The following DLG2 variants were observed in gnomAD, a reference collection of about 807,000 sequenced individuals.
DLG2 encodes the protein discs large MAGUK scaffold protein 2.
In DLG2, 45 loss-of-function variants were observed where a neutral mutation model predicts 132.5. The observed-to-expected ratio is 0.34, with a 90% CI of 0.27 to 0.44. DLG2 has a LOEUF of 0.44. DLG2 is among the 20% of genes least tolerant of loss of function. The probability of loss-of-function intolerance (pLI) is 1.00; values close to 1 mark genes in which losing one functional copy is unlikely to be tolerated. For synonymous variants in DLG2, 424 were observed against 419.6 expected (o/e 1.01, Z -0.13); for missense variants, 1,045 against 1,196.9 (o/e 0.87, Z 1.87).
intron 6 of DLG2, among the ~76,000 whole-genome samples, chr11:84,747,262 T>C (rs2065497661): frequency 6.6e-6 from 1 of 152,218 alleles, no homozygotes; most frequent in East Asian, 1.9e-4. Flanking sequence ...TAGAAAACAA[T>C]ATTACTAGAA....
intron 6 of DLG2, among the ~76,000 whole-genome samples, chr11:84,938,078 T>C (rs930811361): frequency 2.0e-5 from 3 of 152,186 alleles, no homozygotes; most frequent in African/African-American, 7.2e-5. Flanking sequence ...TTAACAGTTC[T>C]GTGAGGTTTG....
intron 7 of DLG2, among the ~76,000 whole-genome samples, chr11:84,501,356 G>C (rs776734057): frequency 7.2e-5 from 11 of 152,206 alleles, no homozygotes; most frequent in Admixed American, 2.6e-4. Flanking sequence ...CCTGAGGTCA[G>C]TAGTTCGAGA....
At chr11:85,618,790 T>C (rs925308856) in intron 2 of DLG2, among the ~76,000 whole-genome samples, 2 of 152,168 alleles carry the variant, frequency 1.3e-5, no homozygotes, top group Non-Finnish European at 2.9e-5. Context: ...TAAAATCCAA[T>C]GTTTTGTGCA....
intron 18 of DLG2, chr11:83,682,276 C>A (rs1214263953): frequency 1.0e-6 from 1 of 985,390 alleles, no homozygotes; most frequent in Non-Finnish European, 1.2e-6. Context: ...GCCTTTATAA[C>A]TAAGACTCTG....
intron 7 of DLG2, among the ~76,000 whole-genome samples, chr11:84,393,896 T>G (rs1011323765): frequency 2.6e-5 from 4 of 152,194 alleles, no homozygotes; most frequent in Non-Finnish European, 4.4e-5. Flanking sequence ...TTTTTTTTGT[T>G]GTTTGTTTAG....
chr11:83,954,471 C>A (rs962915329), intron 14 of DLG2, among the ~76,000 whole-genome samples: 1 of 152,154 alleles, frequency 6.6e-6, no homozygotes, highest in African/African-American at 2.4e-5. Flanking sequence ...CTCACTCCCC[C>A]CTTTCATTTC....
chr11:83,702,654 C>T (rs576552528), intron 18 of DLG2, among the ~76,000 whole-genome samples: 1 of 152,200 alleles, frequency 6.6e-6, no homozygotes, highest in African/African-American at 2.4e-5. Context: ...AGAGAAAGCT[C>T]TAATTCCTGT....
At chr11:85,402,263 T>C (rs1312000556) in intron 3 of DLG2, among the ~76,000 whole-genome samples, 1 of 152,160 alleles carries the variant, frequency 6.6e-6, no homozygotes, top group East Asian at 1.9e-4. Flanking sequence ...ATTTAATAAA[T>C]AGTGCTGTGA....
chr11:83,597,717 G>A (rs11233690), intron 19 of DLG2, among the ~76,000 whole-genome samples: 1,549 of 152,044 alleles, frequency 0.01, 27 homozygotes, highest in African/African-American at 0.033. Flanking sequence ...CCTTGGAGGC[G>A]GAGGCTGCAG....
intron 9 of DLG2, among the ~76,000 whole-genome samples, chr11:84,123,074 A>C (rs2094003186): frequency 6.6e-6 from 1 of 152,206 alleles, no homozygotes; most frequent in Non-Finnish European, 1.5e-5. Context: ...TATGCTAGGT[A>C]CTTTCTTTAT....
At chr11:85,361,023 A>T (rs2084106367) in intron 3 of DLG2, among the ~76,000 whole-genome samples, 1 of 152,192 alleles carries the variant, frequency 6.6e-6, no homozygotes, top group Non-Finnish European at 1.5e-5. Flanking sequence ...TCTATGAAAA[A>T]AAAATAAAAT....
intron 6 of DLG2, among the ~76,000 whole-genome samples, chr11:84,709,778 G>A (rs536571208): frequency 1.3e-5 from 2 of 151,846 alleles, no homozygotes; most frequent in East Asian, 3.9e-4. Flanking sequence ...CACCTTCAAT[G>A]CCCCACTACT....
chr11:85,267,611 C>T (rs1275015135), intron 4 of DLG2, among the ~76,000 whole-genome samples: 2 of 151,926 alleles, frequency 1.3e-5, no homozygotes, highest in Admixed American at 6.6e-5. Context: ...TAGACAAACA[C>T]CTGTCTATCT....
intron 15 of DLG2, among the ~76,000 whole-genome samples, chr11:83,902,430 T>C (rs1382610561): frequency 6.6e-6 from 1 of 152,208 alleles, no homozygotes. Context: ...AGGGAGGGAA[T>C]ATTTACACTC....
Position 83,987,539 on chromosome 11 carries a change from A to G in DLG2, c.920-6897T>C, listed in dbSNP as rs527869485. On this transcript the variant is annotated intron_variant, in intron 11 of 27. Transcript: ENST00000376104. Reference sequence around the variant, plus strand: ...ACAGAACAGAGCCCTCAGAAATAATACCGCATATCTACAACTATCTGATCT... The same window carrying G: ...ACAGAACAGAGCCCTCAGAAATAATGCCGCATATCTACAACTATCTGATCT... Among the ~76,000 whole-genome samples the G allele has an allele frequency of 6.0e-4, 91 of 152,204 alleles. 2 individuals are homozygous for G. Among genetic ancestry groups the G allele is most frequent in the Admixed American group, 3.8e-3 (58 of 15,254 alleles).
intron 3 of DLG2, among the ~76,000 whole-genome samples, chr11:85,321,668 T>C (rs982202477): frequency 1.3e-5 from 2 of 151,946 alleles, no homozygotes; most frequent in South Asian, 2.1e-4. Context: ...AGCAAAGGAT[T>C]GTAGTATCCA....
chr11:84,453,020 A>G (rs2099055896), intron 7 of DLG2, among the ~76,000 whole-genome samples: 3 of 151,880 alleles, frequency 2.0e-5, no homozygotes, highest in Admixed American at 6.6e-5. Context: ...TGAACGTATC[A>G]GATTATCACA....
intron 14 of DLG2, among the ~76,000 whole-genome samples, chr11:83,957,856 T>G (rs2087317507): frequency 1.3e-5 from 2 of 152,272 alleles, no homozygotes; most frequent in South Asian, 4.1e-4. Flanking sequence ...CATCACCACT[T>G]TCTACTTTTT....
intron 4 of DLG2, among the ~76,000 whole-genome samples, chr11:85,217,783 T>A (rs899092108): frequency 3.3e-5 from 5 of 152,182 alleles, no homozygotes; most frequent in Non-Finnish European, 7.3e-5. Flanking sequence ...TCCCTATGTA[T>A]CTGGTTTATT....
Sources: gnomAD v4.1 joint callset for allele counts (sites outside exome capture counted in the v4.1 genomes callset) on GRCh38, gnomAD v4.1.1 for gene constraint, MANE v1.5 for transcripts, NCBI Gene and HGNC (gene_info 2026-07-23, HGNC 2026-07-21) for gene names.